The following E2F3 variants were observed in gnomAD, a reference collection of about 807,000 sequenced individuals.
The protein encoded by E2F3 is E2F transcription factor 3.
A neutral mutation model predicts 44.4 loss-of-function variants in E2F3; 11 were observed. That is an observed-to-expected ratio of 0.25 (90% CI 0.16 to 0.41). The LOEUF (loss-of-function observed/expected upper bound fraction) is 0.41. Among genes scored for constraint, E2F3 ranks in the 10% least tolerant of loss-of-function variants. E2F3 has a pLI of 1.00. For synonymous variants in E2F3, 249 were observed against 253.0 expected, an observed-to-expected ratio of 0.98 and a Z score of 0.15; for missense variants, 487 against 583.6, an observed-to-expected ratio of 0.83 and a Z score of 1.70.
At chr6:20,484,521 C>T (rs1325837317) in intron 4 of E2F3, among the ~76,000 whole-genome samples, 2 of 152,250 alleles carry the variant, frequency 1.3e-5, no homozygotes, top group East Asian at 1.9e-4. Context: ...ACCTGGTTGT[C>T]AGTTTTTTCC....
chr6:20,411,479 G>C (rs1759669903), intron 1 of E2F3, among the ~76,000 whole-genome samples: 1 of 152,078 alleles, frequency 6.6e-6, no homozygotes, highest in Admixed American at 6.5e-5. Context: ...CTGGCTCTTA[G>C]AAGGAAGCAG....
intron 4 of E2F3, 53 bp from the exon 5 acceptor site, chr6:20,486,636 C>A: frequency 1.0e-6 from 1 of 991,932 alleles, no homozygotes; most frequent in Non-Finnish European, 1.6e-6. Flanking sequence ...TTGTCATTTT[C>A]ATCATACTTA....
rs145134557 is a variant in E2F3, at chr6:20,467,468, T to TA, written c.394-12372dup. On this transcript the variant is annotated intron_variant, in intron 1 of 6. Transcript: ENST00000346618. Reference sequence around the variant, plus strand: ...CCTCAGGAAGCTGATGATACCAATCTAAAAAATGAAACAATTCCTTCACAC... The same window carrying TA: ...CCTCAGGAAGCTGATGATACCAATCTAAAAAAATGAAACAATTCCTTCACAC... 7.2e-3 allele frequency among the ~76,000 whole-genome samples: 1,091 copies of TA among 152,288 alleles called. 14 individuals carry two copies. Among genetic ancestry groups the TA allele is most frequent in the African/African-American group, 0.025 (1,036 of 41,562 alleles).
chr6:20,428,828 G>A (rs919895522), intron 1 of E2F3, among the ~76,000 whole-genome samples: 6 of 152,098 alleles, frequency 3.9e-5, no homozygotes, highest in African/African-American at 1.4e-4. Flanking sequence ...TGCAAATTTC[G>A]TTGCAGCTTT....
chr6:20,474,087 G>A (rs2127616476), intron 1 of E2F3, among the ~76,000 whole-genome samples: 1 of 52,078 alleles, frequency 1.9e-5, no homozygotes, highest in Middle Eastern at 0.012. Context: ...AATTCTTTTG[G>A]GGTTTTGTGG....
intron 1 of E2F3, among the ~76,000 whole-genome samples, chr6:20,453,100 G>C (rs1420783616): frequency 6.6e-6 from 1 of 152,034 alleles, no homozygotes; most frequent in Non-Finnish European, 1.5e-5. Context: ...ATTTGTAAGG[G>C]CTCTTTATAT....
chr6:20,488,724 G>A (rs546040854), intron 6 of E2F3, among the ~76,000 whole-genome samples: 4 of 152,130 alleles, frequency 2.6e-5, no homozygotes, highest in Non-Finnish European at 2.9e-5. Flanking sequence ...TGCCGGGTGC[G>A]GTGGCTCACA....
At chr6:20,403,956 T>G (rs1163012325) in intron 1 of E2F3, 2 of 541,158 alleles carry the variant, frequency 3.7e-6, no homozygotes, top group Non-Finnish European at 6.3e-6. Flanking sequence ...GGTTGGGTGC[T>G]CGAGGGAAAT....
chr6:20,459,041 A>T (rs1761408932), intron 1 of E2F3, among the ~76,000 whole-genome samples: 1 of 152,116 alleles, frequency 6.6e-6, no homozygotes, highest in Non-Finnish European at 1.5e-5. Context: ...AGGCGGCTGG[A>T]TCACCTGAGG....
At chr6:20,429,200 G>A (rs1716669429) in intron 1 of E2F3, among the ~76,000 whole-genome samples, 1 of 152,132 alleles carries the variant, frequency 6.6e-6, no homozygotes, top group South Asian at 2.1e-4. Context: ...CCTATCACAG[G>A]CATTCTTTGT....
chr6:20,454,420 T>C (rs1561868658), intron 1 of E2F3, among the ~76,000 whole-genome samples: 1 of 152,224 alleles, frequency 6.6e-6, no homozygotes, highest in East Asian at 1.9e-4. Context: ...CTTCTTGACA[T>C]GTAAAAATGT....
intron 1 of E2F3, among the ~76,000 whole-genome samples, chr6:20,464,628 G>T (rs1761641202): frequency 6.6e-6 from 1 of 152,202 alleles, no homozygotes; most frequent in Non-Finnish European, 1.5e-5. Flanking sequence ...CAACCTTGCT[G>T]GCTCCCATTT....
At chr6:20,415,799 G>A (rs907758023) in intron 1 of E2F3, among the ~76,000 whole-genome samples, 1 of 152,166 alleles carries the variant, frequency 6.6e-6, no homozygotes, top group African/African-American at 2.4e-5. Flanking sequence ...CCTAAGCCCT[G>A]TCTTTTTTAT....
chr6:20,452,197 G>C (rs1282347848), intron 1 of E2F3, among the ~76,000 whole-genome samples: 1 of 152,094 alleles, frequency 6.6e-6, no homozygotes, highest in African/African-American at 2.4e-5. Context: ...GCTTTTCTTG[G>C]TTGGTAGGCT....
At chr6:20,444,423 C>T (rs1760872048) in intron 1 of E2F3, among the ~76,000 whole-genome samples, 1 of 152,156 alleles carries the variant, frequency 6.6e-6, no homozygotes, top group African/African-American at 2.4e-5. Context: ...AGTGCAGCTA[C>T]AGTTGATACC....
In E2F3 at chr6:20,491,838, G is replaced by A. The variant is rs1762561682; in HGVS notation, c.*1408G>A. 1 of 179,606 alleles carries A rather than the reference G, an allele frequency of 5.6e-6. No individual in the cohort carries two copies. Among genetic ancestry groups the A allele is most frequent in the Non-Finnish European group, 1.2e-5 (1 of 83,490 alleles). 11.1% of individuals were successfully genotyped at this position (179,606 alleles called of 1,614,324 possible). On this transcript the variant is annotated 3_prime_UTR_variant, in exon 7 of 7. Transcript: ENST00000346618. ...TAAAAAATGAAGCAAAACAATGCCAGGGTGTCTCCCGCTTTACTCTTCAGG... is the reference window on the plus strand; with the variant it reads ...TAAAAAATGAAGCAAAACAATGCCAAGGTGTCTCCCGCTTTACTCTTCAGG...
chr6:20,479,153 T>G (rs535201302), intron 1 of E2F3, among the ~76,000 whole-genome samples: 31 of 152,346 alleles, frequency 2.0e-4, no homozygotes, highest in African/African-American at 7.0e-4. Flanking sequence ...AGCCCAAGAT[T>G]GCATGTTTGC....
chr6:20,434,972 G>A (rs1413336706), intron 1 of E2F3, among the ~76,000 whole-genome samples: 3 of 152,346 alleles, frequency 2.0e-5, no homozygotes, highest in South Asian at 2.1e-4. Flanking sequence ...GGAACATGGC[G>A]CCAGGGCCGA....
chr6:20,404,189 T>G (rs73382439), intron 1 of E2F3, among the ~76,000 whole-genome samples: 5 of 133,170 alleles, frequency 3.8e-5, no homozygotes, highest in African/African-American at 5.7e-5. Flanking sequence ...GGGAGGGGGG[T>G]GGGTCAGAGG....
Sources: allele counts gnomAD v4.1 joint callset (sites outside exome capture counted in the v4.1 genomes callset), GRCh38; gene constraint gnomAD v4.1.1; transcripts MANE v1.5; gene names NCBI Gene and HGNC (gene_info 2026-07-23, HGNC 2026-07-21).